The following MARK1 variants were observed in gnomAD, a reference collection of about 807,000 sequenced individuals.
MARK1 encodes the protein microtubule affinity regulating kinase 1.
In MARK1, 40 loss-of-function variants were observed where a neutral mutation model predicts 96.3. That is an observed-to-expected ratio of 0.42 (90% confidence interval 0.32 to 0.54). The LOEUF is 0.54. MARK1 is among the 20% of genes least tolerant of loss of function. The pLI, the probability that MARK1 is intolerant of heterozygous loss-of-function variation, is 0.16. For synonymous variants in MARK1, 317 were observed against 341.2 expected (o/e 0.93, Z 0.78); for missense variants, 719 against 984.6 (o/e 0.73, Z 3.61).
At chr1:220,607,520 T>A (rs1377845043) in intron 6 of MARK1, among the ~76,000 whole-genome samples, 1 of 152,100 alleles carries the variant, frequency 6.6e-6, no homozygotes, top group East Asian at 1.9e-4. Context: ...TTTATTTTTT[T>A]TTCTTGCCTG....
intron 13 of MARK1, among the ~76,000 whole-genome samples, chr1:220,638,440 T>C (rs1668091554): frequency 1.3e-5 from 2 of 152,192 alleles, no homozygotes; most frequent in African/African-American, 4.8e-5. Context: ...GCTTTTTCAA[T>C]TGCTTATCCT....
At chr1:220,607,024 T>C (rs1666121127) in intron 6 of MARK1, among the ~76,000 whole-genome samples, 2 of 152,214 alleles carry the variant, frequency 1.3e-5, no homozygotes, top group Non-Finnish European at 2.9e-5. Flanking sequence ...TGGTTCCATA[T>C]GAATTTTAAA....
intron 5 of MARK1, among the ~76,000 whole-genome samples, chr1:220,602,432 A>C (rs1665805928): frequency 6.6e-6 from 1 of 152,182 alleles, no homozygotes; most frequent in African/African-American, 2.4e-5. Context: ...CAAGACACTT[A>C]CATTCTAGTT....
intron 3 of MARK1, among the ~76,000 whole-genome samples, chr1:220,587,316 T>TTCCTTCCTCCCTCCCTCC (rs1664697626): frequency 9.8e-6 from 1 of 101,656 alleles, no homozygotes; most frequent in Non-Finnish European, 2.1e-5. Context: ...TCCCTCCCTC[T>TTCCTTCCTCCCTCCCTCC]CTCTCTCTTT....
rs141796162 is a variant in MARK1, at chr1:220,582,068, CTA to C, written c.309+952_309+953del. 9.4e-3 allele frequency among the ~76,000 whole-genome samples: 1,438 copies of C among 152,258 alleles called. 8 individuals are homozygous for C. The highest frequency in any genetic ancestry group is 0.014 in the Non-Finnish European group (920 of 68,016). Reference sequence around the variant, plus strand: ...TTGTTAGTATGTGTGCTTACATCTGCTATGATTATAGCATTAGATTAAAAATT... The same window carrying C: ...TTGTTAGTATGTGTGCTTACATCTGCTGATTATAGCATTAGATTAAAAATT... On this transcript the variant is annotated intron_variant, in intron 3 of 17. Coordinates refer to ENST00000366917, the MANE Select transcript of MARK1 (RefSeq NM_018650.5).
At chr1:220,585,268 G>A (rs1319475780) in intron 3 of MARK1, among the ~76,000 whole-genome samples, 1 of 152,142 alleles carries the variant, frequency 6.6e-6, no homozygotes, top group Non-Finnish European at 1.5e-5. Context: ...ACAAAGTACT[G>A]AAAACAGAGT....
intron 3 of MARK1, among the ~76,000 whole-genome samples, chr1:220,585,004 G>A (rs1394552163): frequency 6.6e-6 from 1 of 152,118 alleles, no homozygotes; most frequent in Non-Finnish European, 1.5e-5. Flanking sequence ...GTTCTTACGT[G>A]GGCCAACAAA....
intron 9 of MARK1, among the ~76,000 whole-genome samples, chr1:220,620,351 C>T (rs1666985442): frequency 1.3e-5 from 2 of 152,076 alleles, no homozygotes; most frequent in Non-Finnish European, 2.9e-5. Flanking sequence ...AAATTTTTGA[C>T]TCTCATATCA....
At chr1:220,609,728 G>A (rs1666318319) in intron 6 of MARK1, among the ~76,000 whole-genome samples, 1 of 152,090 alleles carries the variant, frequency 6.6e-6, no homozygotes, top group South Asian at 2.1e-4. Context: ...CTTCCTTCAG[G>A]AGCTATTGTA....
intron 11 of MARK1, among the ~76,000 whole-genome samples, chr1:220,633,315 A>G (rs1440469212): frequency 6.6e-6 from 1 of 152,214 alleles, no homozygotes. Flanking sequence ...TATAAAGGCT[A>G]TACATCGAGA....
chr1:220,568,921 T>C (rs142213398), intron 1 of MARK1, among the ~76,000 whole-genome samples: 44 of 152,296 alleles, frequency 2.9e-4, no homozygotes, highest in Non-Finnish European at 2.9e-5. Context: ...AACTAATTAC[T>C]AGAAGTAAAA....
chr1:220,614,287 T>C (rs1666616976), intron 6 of MARK1, among the ~76,000 whole-genome samples: 1 of 152,052 alleles, frequency 6.6e-6, no homozygotes. Flanking sequence ...GCCGAGATTA[T>C]AGGCATGAGT....
intron 1 of MARK1, among the ~76,000 whole-genome samples, chr1:220,537,232 TC>T (rs1368613186): frequency 7.5e-5 from 7 of 93,078 alleles, no homozygotes; most frequent in African/African-American, 3.1e-4. Flanking sequence ...ATGCTATCCC[TC>T]CCCCCTCCCC....
intron 17 of MARK1, among the ~76,000 whole-genome samples, chr1:220,658,906 C>T (rs944498226): frequency 2.0e-5 from 3 of 152,102 alleles, no homozygotes; most frequent in Non-Finnish European, 4.4e-5. Flanking sequence ...CTTTCTTCTG[C>T]CTTTTATAGA....
At chr1:220,567,890 C>T (rs1045862412) in intron 1 of MARK1, among the ~76,000 whole-genome samples, 4 of 152,008 alleles carry the variant, frequency 2.6e-5, no homozygotes, top group Admixed American at 1.3e-4. Context: ...ACCACATGGC[C>T]CCTGCTTTCT....
At chr1:220,567,101 C>T (rs1417246459) in intron 1 of MARK1, among the ~76,000 whole-genome samples, 1 of 152,066 alleles carries the variant, frequency 6.6e-6, no homozygotes, top group African/African-American at 2.4e-5. Flanking sequence ...CTCCCTTACA[C>T]AAATGGCAGC....
At chr1:220,586,013 G>GCGCGCA (rs1553323004) in intron 3 of MARK1, among the ~76,000 whole-genome samples, 5 of 53,020 alleles carry the variant, frequency 9.4e-5, no homozygotes, top group African/African-American at 1.6e-4. Flanking sequence ...ACACACACAC[G>GCGCGCA]CGCGCGTGCG....
In MARK1 at chr1:220,635,995, C is replaced by T. The variant is rs1294773124; in HGVS notation, c.1439C>T (p.Pro480Leu). 1 of 1,611,228 alleles carries T rather than the reference C, an allele frequency of 6.2e-7. No individual in the cohort carries two copies. The highest frequency in any genetic ancestry group is 1.3e-5 in the African/African-American group (1 of 74,762). ...ATGACTGCAAGCCCTCTTGTAGGGC[C>T]AGAGAGGAAAAAATCTTCAACTATT... is the stretch of plus-strand genomic sequence containing the variant. ...SEMTASPLVG[P>L]ERKKSSTIPS... is the part of the protein sequence containing the mutation. The change falls in exon 13 of 18, where the codon CCA becomes CTA. Residue 480 changes from proline (P) to leucine (L), a missense_variant. Transcript: ENST00000366917.
chr1:220,631,838 C>T (rs1308421042), intron 10 of MARK1, among the ~76,000 whole-genome samples: 1 of 152,184 alleles, frequency 6.6e-6, no homozygotes, highest in Non-Finnish European at 1.5e-5. Flanking sequence ...AAAGAAACCA[C>T]TTCACTAGTA....
Sources: gnomAD v4.1 joint callset for allele counts (sites outside exome capture counted in the v4.1 genomes callset) on GRCh38, gnomAD v4.1.1 for gene constraint, MANE v1.5 for transcripts, NCBI Gene and HGNC (gene_info 2026-07-23, HGNC 2026-07-21) for gene names.